Variants in CLDN14 observed in about 807,000 individuals in gnomAD.
CLDN14 encodes claudin 14.
Under a neutral mutation model 2.1 loss-of-function variants are expected in CLDN14, and 2 were observed. That is an observed-to-expected ratio of 0.96 (90% CI 0.39 to 3.01). The LOEUF is 3.01. CLDN14 is among the 30% of genes most tolerant of loss of function. The pLI is 0.09. For missense variants in CLDN14, 298 were observed against 328.0 expected (o/e 0.91, Z 0.71); for synonymous variants, 136 against 154.4 (o/e 0.88, Z 0.88).
At chr21:36,487,783 A>G (rs1441140771) in intron 2 of CLDN14, 1 of 152,252 alleles carries the variant, frequency 6.6e-6, no homozygotes, top group East Asian at 1.9e-4. Flanking sequence ...GCTGACAACA[A>G]TCTCAGCAAC....
intron 1 of CLDN14, among the ~76,000 whole-genome samples, chr21:36,527,874 G>A (rs970272577): frequency 1.3e-5 from 2 of 151,790 alleles, no homozygotes; most frequent in African/African-American, 4.8e-5. Context: ...TTTAAGCTCT[G>A]GTTTTTAGGA....
chr21:36,488,737 T>A (rs1231978100), intron 2 of CLDN14, among the ~76,000 whole-genome samples: 1 of 152,062 alleles, frequency 6.6e-6, no homozygotes, highest in Non-Finnish European at 1.5e-5. Context: ...TGGTGGTGGA[T>A]GGCTGCATGA....
Position 36,499,103 on chromosome 21 carries a change from G to T in CLDN14, c.-82+11260C>A, listed in dbSNP as rs541012261. On this transcript the variant is annotated intron_variant, in intron 2 of 2. Coordinates refer to the CLDN14 transcript ENST00000342108. This position sits in a 1 kb window ranked among gnomAD's most constrained non-coding sequence, Gnocchi z 4.7. ...ATCTTAGGAAATTTCATTGAAGGAG[G>T]AGTAGAGAGATGATATCATTGACCA... Among the ~76,000 whole-genome samples, 20 of 152,176 alleles carry T rather than the reference G, an allele frequency of 1.3e-4. No individual in the cohort carries two copies. Among genetic ancestry groups the T allele is most frequent in the Non-Finnish European group, 2.4e-4 (16 of 68,036 alleles).
In CLDN14 at chr21:36,545,146, G is replaced by T. The variant is rs531178416; in HGVS notation, c.-220+31265C>A. Among the ~76,000 whole-genome samples, 3 of 152,216 alleles carry T rather than the reference G, an allele frequency of 2.0e-5. No individual in the cohort carries two copies. The East Asian group carries it at 5.8e-4, about 29-fold the overall frequency. On this transcript the variant is annotated intron_variant, in intron 1 of 2. Transcript: ENST00000342108. Reference sequence around the variant, plus strand: ...GCCTTTCTGTGACTCTCTCTTTTTTGCATTCTCCACTTAAACCAGAGCAAC... The same window carrying T: ...GCCTTTCTGTGACTCTCTCTTTTTTTCATTCTCCACTTAAACCAGAGCAAC...
intron 2 of CLDN14, among the ~76,000 whole-genome samples, chr21:36,507,655 T>C (rs7282048): frequency 0.047 from 7,114 of 152,146 alleles, 551 homozygotes; most frequent in African/African-American, 0.16. Flanking sequence ...TCCCAGCTAC[T>C]TGGCAGGCTG....
chr21:36,476,746 C>T (rs991539502), intron 1 of CLDN14, among the ~76,000 whole-genome samples: 6 of 152,242 alleles, frequency 3.9e-5, no homozygotes, highest in African/African-American at 9.6e-5. Context: ...CCACTGCCCT[C>T]GGCCCATGGA....
chr21:36,512,564 T>C (rs983354212), intron 1 of CLDN14, among the ~76,000 whole-genome samples: 3 of 152,176 alleles, frequency 2.0e-5, no homozygotes, highest in Middle Eastern at 3.2e-3. Flanking sequence ...TATTCAGCCA[T>C]TAACATGGAT....
chr21:36,531,668 C>T lies in CLDN14; in HGVS notation c.-219-21168G>A, dbSNP rs536006356. ...TCCTGGTGGAATGGGGCAGGAGTGT[C>T]AGAGTGGACTTCAGTCTTTGTCTGT... On this transcript the variant is annotated intron_variant, in intron 1 of 2. Transcript: ENST00000342108. Among the ~76,000 whole-genome samples the T allele has an allele frequency of 2.0e-5, 3 of 149,934 alleles. No homozygotes were observed. In the East Asian group the frequency reaches 5.8e-4, roughly 29 times the overall value.
chr21:36,523,897 A>G (rs2087300157), intron 1 of CLDN14, among the ~76,000 whole-genome samples: 1 of 151,690 alleles, frequency 6.6e-6, no homozygotes, highest in African/African-American at 2.4e-5. Context: ...CTTACTGCCC[A>G]CTCCGAGATG....
chr21:36,544,956 G>A lies in CLDN14; in HGVS notation c.-220+31455C>T, dbSNP rs2087517307. ...AGTTTGCTTGCAGGAGGGATTGTAA[G>A]TATCAGGCCAGTGCCCTAGCATTTG... On this transcript the variant is annotated intron_variant, in intron 1 of 2. Coordinates refer to the CLDN14 transcript ENST00000342108. The surrounding 1 kb of genome is among the most constrained non-coding windows in gnomAD (Gnocchi z 4.1). Among the ~76,000 whole-genome samples the A allele has an allele frequency of 6.6e-6, 1 of 152,228 alleles. No homozygotes were observed. The highest frequency in any genetic ancestry group is 2.1e-4 in the South Asian group (1 of 4,832).
At chr21:36,519,121 C>T (rs1285435899) in intron 1 of CLDN14, among the ~76,000 whole-genome samples, 1 of 152,220 alleles carries the variant, frequency 6.6e-6, no homozygotes. Flanking sequence ...GGGTCATCTA[C>T]ATTGGTTACA....
At chr21:36,480,147 T>G (rs908645551), upstream of CLDN14, 1 of 152,326 alleles carries the variant, frequency 6.6e-6, no homozygotes, top group African/African-American at 2.4e-5. Context: ...CTTCTCAGCC[T>G]TTAGGCTGCT....
intron 1 of CLDN14, among the ~76,000 whole-genome samples, chr21:36,538,636 A>G (rs948061241): frequency 1.3e-5 from 2 of 152,236 alleles, no homozygotes; most frequent in Non-Finnish European, 2.9e-5. Flanking sequence ...AGAGAGAAAA[A>G]AAAGAAGAGA....
At chr21:36,504,218 T>C (rs1194724131) in intron 2 of CLDN14, among the ~76,000 whole-genome samples, 1 of 151,776 alleles carries the variant, frequency 6.6e-6, no homozygotes, top group East Asian at 1.9e-4. Flanking sequence ...TGCACGCCTG[T>C]AGTCCCAGCT....
At chr21:36,489,131 A>AAAAAATAT in intron 2 of CLDN14, among the ~76,000 whole-genome samples, 102 of 62,732 alleles carry the variant, frequency 1.6e-3, no homozygotes, top group Non-Finnish European at 2.4e-3. Context: ...AAAAAAAAAA[A>AAAAAATAT]ATATATATAT....
At chr21:36,528,152 T>G (rs2087349074) in intron 1 of CLDN14, among the ~76,000 whole-genome samples, 2 of 152,262 alleles carry the variant, frequency 1.3e-5, no homozygotes, top group Admixed American at 1.3e-4. Flanking sequence ...TTCTTTTAGC[T>G]GGTCACTCTT....
At chr21:36,464,374 G>T (rs566891307) in intron 1 of CLDN14, among the ~76,000 whole-genome samples, 1 of 152,190 alleles carries the variant, frequency 6.6e-6, no homozygotes, top group Non-Finnish European at 1.5e-5. Context: ...CTGATACACC[G>T]AGTATTTTTC....
intron 2 of CLDN14, among the ~76,000 whole-genome samples, chr21:36,505,716 A>C (rs1459994997): frequency 1.3e-5 from 2 of 152,224 alleles, no homozygotes; most frequent in Non-Finnish European, 2.9e-5. Context: ...GTGAAAAGAA[A>C]ATGCAAAACC....
chr21:36,549,702 A>C (rs1201894572), intron 1 of CLDN14, among the ~76,000 whole-genome samples: 1 of 152,220 alleles, frequency 6.6e-6, no homozygotes, highest in Non-Finnish European at 1.5e-5. Context: ...ACGGCCCTGG[A>C]GGAACTCACC....
Sources: gnomAD v4.1 joint callset for allele counts (sites outside exome capture counted in the v4.1 genomes callset) on GRCh38, gnomAD v4.1.1 for gene constraint, Gnocchi (gnomAD v3.1) non-coding constraint, MANE v1.5 for transcripts, NCBI Gene and HGNC (gene_info 2026-07-23, HGNC 2026-07-21) for gene names.